The following DGKQ variants were observed in gnomAD, a reference collection of about 807,000 sequenced individuals.
DGKQ encodes the protein diacylglycerol kinase theta.
In DGKQ, 97 loss-of-function variants were observed where a neutral mutation model predicts 104.2. That is an observed-to-expected ratio of 0.93 (90% CI 0.79 to 1.10). The LOEUF is 1.10. DGKQ is among the 50% of genes least tolerant of loss of function. The probability of loss-of-function intolerance (pLI) is 0.00; values close to 1 mark genes in which losing one functional copy is unlikely to be tolerated. For synonymous variants in DGKQ, 736 were observed against 595.2 expected, an observed-to-expected ratio of 1.24 and a Z score of -3.44; for missense variants, 1,465 against 1,352.1, an observed-to-expected ratio of 1.08 and a Z score of -1.31.
Position 960,445 on chromosome 4 carries a change from A to G in DGKQ, c.*175T>C. On this transcript the variant is annotated 3_prime_UTR_variant, in exon 23 of 23. Transcript: ENST00000273814. Reference sequence around the variant, plus strand: ...GGCTGTGACACCAACATGTGTCACCAATGGGATGAGGGCGGGTCCCGCTCC... The same window carrying G: ...GGCTGTGACACCAACATGTGTCACCGATGGGATGAGGGCGGGTCCCGCTCC... 1 of 614,028 alleles carries G rather than the reference A, an allele frequency of 1.6e-6. No homozygotes were observed. Among genetic ancestry groups the G allele is most frequent in the Non-Finnish European group, 2.9e-6 (1 of 344,236 alleles). 38.0% of individuals were successfully genotyped at this position (614,028 alleles called of 1,614,324 possible). A position where few individuals can be genotyped will look rare whatever the true frequency, so the allele number is the denominator to read the frequency against.
chr4:972,019 G>A (rs1209831337), intron 1 of DGKQ, among the ~76,000 whole-genome samples: 1 of 152,046 alleles, frequency 6.6e-6, no homozygotes, highest in Admixed American at 6.5e-5. Flanking sequence ...AGAGAAGGGG[G>A]GACAGGCAGC....
rs1033824017 is a variant in DGKQ at position 968,416 on chromosome 4, C to G, written c.538-9G>C. On this transcript the variant is annotated splice_polypyrimidine_tract_variant and intron_variant, in intron 4 of 22. Transcript: ENST00000273814. Reference sequence around the variant, plus strand: ...TGGTGGTGATGGGTGTCCTGCAGAGCGGGGGCAGTCAGCAGCTGGGCCCGC... The same window carrying G: ...TGGTGGTGATGGGTGTCCTGCAGAGGGGGGGCAGTCAGCAGCTGGGCCCGC... 5 of 1,582,732 alleles carry G rather than the reference C, an allele frequency of 3.2e-6. No homozygotes were observed. In the South Asian group the frequency reaches 5.7e-5, roughly 18 times the overall value.
In DGKQ at chr4:962,906, G is replaced by A. The variant is rs371482980; in HGVS notation, c.1901C>T (p.Ser634Phe). ...CAGCACCCGGAAGCAGGGCACCTGG[G>A]AGAACAGGTGGAGCCTAGCGGGAGA... ...GGPLPGLHLF[S>F]QVPCFRVLVC... Residue 634 changes from serine (S) to phenylalanine (F), a missense_variant, in exon 17 of 23, where the codon TCC becomes TTC. Transcript: ENST00000273814. 2 of 1,609,156 alleles carry A rather than the reference G, an allele frequency of 1.2e-6. No homozygotes were observed. The highest frequency in any genetic ancestry group is 1.7e-6 in the Non-Finnish European group (2 of 1,178,416).
chr4:961,533 C>T lies in DGKQ; in HGVS notation c.2508G>A (p.Arg836=). 6.2e-7 allele frequency: 1 copy of T among 1,609,550 alleles called. No individual in the cohort carries two copies. The highest frequency in any genetic ancestry group is 1.1e-5 in the South Asian group (1 of 90,754). The change falls in exon 21 of 23, where the codon AGG becomes AGA. Residue 836 remains arginine, a synonymous_variant. Coordinates refer to ENST00000273814, the MANE Select transcript of DGKQ (RefSeq NM_001347.4). ...CGTCGTCCATGCGTGGCTTCTCAAACCTGGTGTCGCTGTCGGAGCCCCACA... is the reference window on the plus strand; with the variant it reads ...CGTCGTCCATGCGTGGCTTCTCAAATCTGGTGTCGCTGTCGGAGCCCCACA... ...ADLWGSDSDT[R]FEKPRMDDGL... is the part of the protein sequence containing the mutation.
In DGKQ at chr4:968,262, C is replaced by G; in HGVS notation, c.663+20G>C. 1.4e-6 allele frequency: 2 copies of G among 1,444,986 alleles called. No individual in the cohort carries two copies. Among genetic ancestry groups the G allele is most frequent in the East Asian group, 2.6e-5 (1 of 37,742 alleles). The allele number at this position is 1,444,986 out of a possible 1,614,324, so 89.5% of individuals were successfully genotyped here. Reference sequence around the variant, plus strand: ...ACCTCTCCTGCCCCACCCCCACCCCCTCGACTTCCCAGCGCCCACCTGGAC... The same window carrying G: ...ACCTCTCCTGCCCCACCCCCACCCCGTCGACTTCCCAGCGCCCACCTGGAC... On this transcript the variant is annotated intron_variant, in intron 5 of 22. Transcript: ENST00000273814.
In DGKQ at chr4:960,660, C is replaced by T. The variant is rs190782037; in HGVS notation, c.2789G>A (p.Arg930Gln). The T allele has an allele frequency of 4.5e-5, 72 of 1,612,310 alleles. 1 individual carries two copies. In the East Asian group the frequency reaches 1.3e-3, roughly 28 times the overall value. Residue 930 changes from arginine (R) to glutamine (Q), a missense_variant, in exon 23 of 23, where the codon CGG (arginine) becomes CAG (glutamine). Coordinates refer to ENST00000273814, the MANE Select transcript of DGKQ (RefSeq NM_001347.4). ...CTCAGGGGCAGGCGCAGCATCCGCCCGGGCATCCCTGGTGGTCCCGGCCCT... is the reference window on the plus strand; with the variant it reads ...CTCAGGGGCAGGCGCAGCATCCGCCTGGGCATCCCTGGTGGTCCCGGCCCT... ...PRRAGTTRDARADAAPAPESD... is the reference protein window; with the variant it reads ...PRRAGTTRDAQADAAPAPESD...
rs541988000 is a variant in DGKQ, at chr4:971,843, G to A, written c.272-771C>T. Among the ~76,000 whole-genome samples the A allele has an allele frequency of 1.7e-4, 26 of 152,224 alleles. No individual in the cohort carries two copies. Among genetic ancestry groups the A allele is most frequent in the African/African-American group, 5.1e-4 (21 of 41,552 alleles). On this transcript the variant is annotated intron_variant, in intron 1 of 22. Transcript: ENST00000273814. The surrounding 1 kb of genome is among the most constrained non-coding windows in gnomAD (Gnocchi z 4.0). ...CAGCCCCGGGTGAAGGTTGTGCCAC[G>A]GAGCCCCAGGCAGTCCAGCTGGGAC...
intron 12 of DGKQ, 21 bp downstream of exon 12, chr4:966,445 C>A (rs752045456): frequency 6.2e-7 from 1 of 1,610,568 alleles, no homozygotes; most frequent in Non-Finnish European, 8.5e-7. Flanking sequence ...TCCCTGGGGG[C>A]CGGCGTCCAC....
chr4:965,504 G>A lies in DGKQ; in HGVS notation c.1605C>T (p.Ile535=), dbSNP rs1712238567. 2 of 1,611,960 alleles carry A rather than the reference G, an allele frequency of 1.2e-6. No individual in the cohort carries two copies. The highest frequency in any genetic ancestry group is 1.1e-5 in the South Asian group (1 of 90,724). The change falls in exon 14 of 23, where the codon ATC becomes ATT. Residue 535 remains isoleucine, a synonymous_variant. Coordinates refer to ENST00000273814, the MANE Select transcript of DGKQ (RefSeq NM_001347.4). ...TKATVVSVSH[I]YSSQGAVVLD... ...AGGGCAGCTCACCTTGGGAGGAGTA[G>A]ATGTGACTCACGGACACCACGGTGG...
intron 1 of DGKQ, among the ~76,000 whole-genome samples, chr4:972,661 C>CTCCCTCCAGAGG (rs1713027248): frequency 1.3e-5 from 2 of 152,274 alleles, no homozygotes; most frequent in African/African-American, 4.8e-5. Flanking sequence ...CCGGGGCCCG[C>CTCCCTCCAGAGG]CTGCTTGCCG....
In DGKQ at chr4:967,044, C is replaced by T; in HGVS notation, c.1231G>A (p.Ala411Thr). The change falls in exon 10 of 23, where the codon GCC (alanine) becomes ACC (threonine). Residue 411 changes from alanine (A) to threonine (T), a missense_variant. Physicochemically the swap from Ala to Thr is moderately conservative, Grantham distance 58. Transcript: ENST00000273814. Reference sequence around the variant, plus strand: ...GGGGTCACTCGCACGGACACGTAGGCCACGCCCACCCTGTGGGGACACAGT... The same window carrying T: ...GGGGTCACTCGCACGGACACGTAGGTCACGCCCACCCTGTGGGGACACAGT... ...IYPGWLKVGV[A>T]YVSVRVTPKS... The T allele has an allele frequency of 6.4e-7, 1 of 1,556,228 alleles. No individual in the cohort carries two copies. Among genetic ancestry groups the T allele is most frequent in the Non-Finnish European group, 8.7e-7 (1 of 1,150,934 alleles).
intron 15 of DGKQ, among the ~76,000 whole-genome samples, chr4:964,621 T>C (rs950959217): frequency 6.6e-6 from 1 of 151,926 alleles, no homozygotes; most frequent in Admixed American, 6.5e-5. Context: ...TTCTGGGCAC[T>C]GTGGGTCTGA....
chr4:967,311 C>T lies in DGKQ; in HGVS notation c.1038G>A (p.Glu346=), dbSNP rs755935075. 7 of 1,540,560 alleles carry T rather than the reference C, an allele frequency of 4.5e-6. No individual in the cohort carries two copies. Among genetic ancestry groups the T allele is most frequent in the East Asian group, 4.9e-5 (2 of 41,060 alleles). ...HHIPEDPGHL[E]LCRLPPSSQA... is the part of the protein sequence containing the mutation. The stretch of plus-strand genomic sequence containing the variant: ...GAGAGGAAGGGGGCAGCCGGCACAG[C>T]TCCAGGTGGCCAGGGTCCTCGGGGA... The change falls in exon 9 of 23, where the codon GAG becomes GAA. Residue 346 remains glutamate, a synonymous_variant. Coordinates refer to ENST00000273814, the MANE Select transcript of DGKQ (RefSeq NM_001347.4).
chr4:969,462 G>A (rs1001127307), intron 2 of DGKQ, among the ~76,000 whole-genome samples: 1 of 152,230 alleles, frequency 6.6e-6, no homozygotes, highest in African/African-American at 2.4e-5. Context: ...AAGGGAAGGA[G>A]AAGGACCAAG....
rs147014854 is a variant in DGKQ at position 966,486 on chromosome 4, G to A, written c.1408C>T (p.Arg470Trp). The A allele has an allele frequency of 1.2e-5, 20 of 1,612,460 alleles. No homozygotes were observed. Among genetic ancestry groups the A allele is most frequent in the Middle Eastern group, 1.6e-4 (1 of 6,070 alleles). Residue 470 changes from arginine to tryptophan, a missense_variant, in exon 12 of 23, where the codon CGG (arginine) becomes TGG (tryptophan). Transcript: ENST00000273814. ...CTCACCTGCCGGATGTCCTGTAGCC[G>A]GTCCAGCAGGGGCTGTTCGTCCATC... is the stretch of plus-strand genomic sequence containing the variant. ...MLMDEQPLLD[R>W]LQDIRQMSVR...
At position 962,039 on chromosome 4, in the gene DGKQ, T is replaced by G. The variant is rs147376704; in HGVS notation, c.2258A>C (p.Glu753Ala). 21 of 1,612,962 alleles carry G rather than the reference T, an allele frequency of 1.3e-5. No homozygotes were observed. Among genetic ancestry groups the G allele is most frequent in the Non-Finnish European group, 8.5e-6 (10 of 1,179,938 alleles). Residue 753 changes from glutamate to alanine, a missense_variant, in exon 19 of 23, where the codon GAG (glutamate) becomes GCG (alanine). By Grantham distance (107) the Glu-to-Ala change is moderately radical. Transcript: ENST00000273814. ...TGCCTGGTGGAAGTCCAGGCTCAGC[T>G]CCGCGTCGATGCCAATGCCACAGTA... ...SNYCGIGIDAELSLDFHQARE... is the reference protein window; with the variant it reads ...SNYCGIGIDAALSLDFHQARE...
intron 4 of DGKQ, 27 bp from the exon 5 acceptor site, chr4:968,434 G>A: frequency 6.3e-7 from 1 of 1,585,460 alleles, no homozygotes; most frequent in African/African-American, 1.4e-5. Context: ...GTCAGCAGCT[G>A]GGCCCGCCCC....
chr4:960,470 C>T lies in DGKQ; in HGVS notation c.*150G>A, dbSNP rs541236371. On this transcript the variant is annotated 3_prime_UTR_variant, in exon 23 of 23. Coordinates refer to ENST00000273814, the MANE Select transcript of DGKQ (RefSeq NM_001347.4). Reference sequence around the variant, plus strand: ...AATGGGATGAGGGCGGGTCCCGCTCCGTCACTGGGAAGATGCTGTGGTCAG... The same window carrying T: ...AATGGGATGAGGGCGGGTCCCGCTCTGTCACTGGGAAGATGCTGTGGTCAG... 3.4e-5 allele frequency: 23 copies of T among 678,852 alleles called. No individual in the cohort carries two copies. The highest frequency in any genetic ancestry group is 3.1e-4 in the Middle Eastern group (1 of 3,246). 42.1% of individuals were successfully genotyped at this position (678,852 alleles called of 1,614,324 possible).
At position 965,274 on chromosome 4, in the gene DGKQ, C is replaced by T. The variant is rs767939207; in HGVS notation, c.1636G>A (p.Val546Ile). 8.1e-6 allele frequency: 13 copies of T among 1,612,506 alleles called. No individual in the cohort carries two copies. The highest frequency in any genetic ancestry group is 6.7e-5 in the African/African-American group (5 of 74,912). The change falls in exon 15 of 23, where the codon GTT becomes ATT. Residue 546 changes from valine (V) to isoleucine (I), a missense_variant. Physicochemically the swap from Val to Ile is conservative, Grantham distance 29. Transcript: ENST00000273814. ...CGCTCGGCCTCCGCAAAGCAGGCAA[C>T]GTCCAACACTACCGCGCCTGCGGCA... is the stretch of plus-strand genomic sequence containing the variant. ...YSSQGAVVLD[V>I]ACFAEAERLY...
Sources: allele counts gnomAD v4.1 joint callset (sites outside exome capture counted in the v4.1 genomes callset), GRCh38; gene constraint gnomAD v4.1.1; non-coding constraint Gnocchi (gnomAD v3.1); transcripts MANE v1.5; gene names NCBI Gene and HGNC (gene_info 2026-07-23, HGNC 2026-07-21).